The following LRGUK variants were observed in gnomAD, a reference collection of about 807,000 sequenced individuals.
LRGUK encodes leucine rich repeats and guanylate kinase domain containing.
Under a neutral mutation model 76.0 loss-of-function variants are expected in LRGUK, and 65 were observed. The observed-to-expected ratio is 0.85, with a 90% CI of 0.70 to 1.05. The LOEUF is 1.05. Among genes scored for constraint, LRGUK ranks in the 50% least tolerant of loss-of-function variants. The pLI, the probability that LRGUK is intolerant of heterozygous loss-of-function variation, is 0.00. For missense variants in LRGUK, 758 were observed against 732.8 expected, an observed-to-expected ratio of 1.03 and a Z score of -0.40; for synonymous variants, 268 against 265.6, an observed-to-expected ratio of 1.01 and a Z score of -0.09.
intron 16 of LRGUK, among the ~76,000 whole-genome samples, chr7:134,225,268 C>G (rs952836082): frequency 1.3e-5 from 2 of 151,992 alleles, no homozygotes; most frequent in African/African-American, 2.4e-5. Context: ...AAGGGGCCAC[C>G]CTGGTGATGA....
At chr7:134,223,322 G>T (rs1801650842) in intron 16 of LRGUK, among the ~76,000 whole-genome samples, 1 of 152,158 alleles carries the variant, frequency 6.6e-6, no homozygotes, top group Non-Finnish European at 1.5e-5. Context: ...AGCCCAGCTT[G>T]ACTTTTCAAG....
At chr7:134,187,554 G>A (rs1285320864) in intron 11 of LRGUK, among the ~76,000 whole-genome samples, 7 of 152,230 alleles carry the variant, frequency 4.6e-5, no homozygotes, top group Non-Finnish European at 1.0e-4. Context: ...TGGTGCGGCT[G>A]AGAGATTTTG....
At chr7:134,166,875 G>C (rs1020313605) in intron 7 of LRGUK, among the ~76,000 whole-genome samples, 1 of 152,110 alleles carries the variant, frequency 6.6e-6, no homozygotes, top group Non-Finnish European at 1.5e-5. Context: ...CTGAACCCTG[G>C]CTCACACTTC....
Position 134,169,133 on chromosome 7 carries a change from G to GAC in LRGUK, c.940-5362_940-5361dup, listed in dbSNP as rs36204942. On this transcript the variant is annotated intron_variant, in intron 7 of 15. Transcript: ENST00000645682. ...CCTGATAAGAGGCTGAAGGGAAGAA[G>GAC]ACACACACACACACACACACACACA... Among the ~76,000 whole-genome samples, 145 of 135,574 alleles carry GAC rather than the reference G, an allele frequency of 1.1e-3. 1 individual carries two copies. The highest frequency in any genetic ancestry group is 2.2e-3 in the African/African-American group (80 of 35,834). 88.9% of individuals were successfully genotyped at this position (135,574 alleles called of 152,430 possible). A position where few individuals can be genotyped will look rare whatever the true frequency, so the allele number is the denominator to read the frequency against.
chr7:134,211,009 C>T (rs1026973901), downstream of LRGUK, among the ~76,000 whole-genome samples: 3 of 152,192 alleles, frequency 2.0e-5, no homozygotes, highest in African/African-American at 7.2e-5. Flanking sequence ...CTGGGAACCC[C>T]GAGGCAGCAC....
downstream of LRGUK, among the ~76,000 whole-genome samples, chr7:134,211,132 T>G (rs1258152453): frequency 6.6e-6 from 1 of 152,190 alleles, no homozygotes; most frequent in Non-Finnish European, 1.5e-5. Context: ...AAACCTTGGA[T>G]TCCTAGAAGG....
At chr7:134,161,017 A>G (rs767253909) in intron 6 of LRGUK, among the ~76,000 whole-genome samples, 4 of 152,138 alleles carry the variant, frequency 2.6e-5, no homozygotes, top group African/African-American at 7.2e-5. Context: ...ACAGTAGGCT[A>G]TCTAATTAAA....
intron 16 of LRGUK, among the ~76,000 whole-genome samples, chr7:134,232,776 T>C (rs569595727): frequency 6.6e-6 from 1 of 152,324 alleles, no homozygotes; most frequent in Admixed American, 6.5e-5. Context: ...TAATTTAATA[T>C]GAATTTAGAT....
chr7:134,254,007 G>A (rs1286717047), intron 18 of LRGUK, among the ~76,000 whole-genome samples: 1 of 152,030 alleles, frequency 6.6e-6, no homozygotes, highest in Admixed American at 6.6e-5. Flanking sequence ...TAAGAAAAAC[G>A]GTATGGTCCT....
At chr7:134,191,816 A>G in intron 12 of LRGUK, 65 bp downstream of exon 12, 21 of 1,038,462 alleles carry the variant, frequency 2.0e-5, no homozygotes, top group Non-Finnish European at 3.0e-5. Context: ...AAATGTTAGG[A>G]AATAGTTATA....
At chr7:134,147,954 G>T (rs364445) in intron 4 of LRGUK, among the ~76,000 whole-genome samples, 2 of 151,728 alleles carry the variant, frequency 1.3e-5, no homozygotes, top group Non-Finnish European at 2.9e-5. Context: ...CCCAGCTACT[G>T]GGGAGGCTGA....
intron 4 of LRGUK, among the ~76,000 whole-genome samples, chr7:134,144,829 G>T (rs896777390): frequency 6.6e-6 from 1 of 151,946 alleles, no homozygotes; most frequent in African/African-American, 2.4e-5. Flanking sequence ...CAAATAAGCC[G>T]CACTAGGTGC....
At chr7:134,202,109 T>G (rs1800797305) in intron 15 of LRGUK, among the ~76,000 whole-genome samples, 1 of 152,194 alleles carries the variant, frequency 6.6e-6, no homozygotes, top group African/African-American at 2.4e-5. Context: ...TTCTGCTACA[T>G]GGACCTAATG....
downstream of LRGUK, among the ~76,000 whole-genome samples, chr7:134,267,964 A>G (rs963923474): frequency 1.3e-5 from 2 of 152,140 alleles, no homozygotes; most frequent in African/African-American, 4.8e-5. Context: ...ATGAAAATAT[A>G]CCCTATCAAA....
At chr7:134,158,227 T>A (rs1798568035) in intron 6 of LRGUK, 68 bp downstream of exon 6, 1 of 1,391,604 alleles carries the variant, frequency 7.2e-7, no homozygotes, top group African/African-American at 1.4e-5. Context: ...ACATGAATTA[T>A]GACTACTTAG....
At chr7:134,248,962 C>A in exon 18 of LRGUK, 1 of 1,518,330 alleles carries the variant, frequency 6.6e-7, no homozygotes, top group South Asian at 1.4e-5. Context: ...GGTCCAGTAC[C>A]AGCACCTCTC....
At chr7:134,198,822 TC>T (rs1252164739) in intron 13 of LRGUK, among the ~76,000 whole-genome samples, 1 of 152,214 alleles carries the variant, frequency 6.6e-6, no homozygotes, top group Non-Finnish European at 1.5e-5. Context: ...GAGCCTTTTC[TC>T]CCTGGTAAGA....
At chr7:134,191,861 T>C (rs1322562916) in intron 12 of LRGUK, 110 bp downstream of exon 12, 1 of 735,810 alleles carries the variant, frequency 1.4e-6, no homozygotes, top group Non-Finnish European at 2.1e-6. Context: ...TTGTGCTTGT[T>C]ATGAGAGGTG....
the LRGUK span, among the ~76,000 whole-genome samples, chr7:134,271,616 G>A: frequency 6.6e-6 from 1 of 151,836 alleles, no homozygotes; most frequent in Non-Finnish European, 1.5e-5. Context: ...TGCCTCACTT[G>A]GAGTTGGTTA....
Sources: allele counts gnomAD v4.1 joint callset (sites outside exome capture counted in the v4.1 genomes callset), GRCh38; gene constraint gnomAD v4.1.1; transcripts MANE v1.5; gene names NCBI Gene and HGNC (gene_info 2026-07-23, HGNC 2026-07-21).